COL8A1: variants seen among roughly 807,000 people sequenced by gnomAD.
COL8A1 encodes the protein collagen type VIII alpha 1 chain.
Under a neutral mutation model 42.7 loss-of-function variants are expected in COL8A1, and 21 were observed. The observed-to-expected ratio is 0.49, with a 90% CI of 0.35 to 0.71. The LOEUF is 0.71. Ranked by LOEUF, COL8A1 falls within the 30% of genes least tolerant of loss-of-function variation. The probability of loss-of-function intolerance (pLI) is 0.01; values close to 1 mark genes in which losing one functional copy is unlikely to be tolerated. For missense variants in COL8A1, 788 were observed against 962.4 expected (o/e 0.82, Z 2.40); for synonymous variants, 367 against 369.1 (o/e 0.99, Z 0.06).
At chr3:99,759,106 C>CTTTT (rs372727265) in intron 2 of COL8A1, among the ~76,000 whole-genome samples, 62,766 of 138,940 alleles carry the variant, frequency 0.45, 14,278 homozygotes, top group East Asian at 0.65. Flanking sequence ...GAGCCTGTTC[C>CTTTT]TTTTTTTTTT....
At chr3:99,642,714 T>C (rs902265046) in intron 1 of COL8A1, among the ~76,000 whole-genome samples, 10 of 152,210 alleles carry the variant, frequency 6.6e-5, no homozygotes, top group Non-Finnish European at 1.3e-4. Context: ...AAAAATCTCT[T>C]TTTAATTCTC....
intron 1 of COL8A1, among the ~76,000 whole-genome samples, chr3:99,645,482 C>T (rs1209714031): frequency 1.3e-5 from 2 of 152,082 alleles, no homozygotes; most frequent in Non-Finnish European, 2.9e-5. Context: ...TTTCCAGCCC[C>T]CAGTTAATTA....
intron 1 of COL8A1, among the ~76,000 whole-genome samples, chr3:99,687,210 T>C (rs1939088850): frequency 6.6e-6 from 1 of 152,148 alleles, no homozygotes; most frequent in South Asian, 2.1e-4. Flanking sequence ...CAACCAATGG[T>C]TTCCAGGTCA....
Position 99,796,237 on chromosome 3 carries a change from C to T in COL8A1, c.*101C>T, listed in dbSNP as rs17778804. On this transcript the variant is annotated 3_prime_UTR_variant, in exon 4 of 4. Coordinates refer to ENST00000652472, the MANE Select transcript of COL8A1 (RefSeq NM_020351.4). The stretch of plus-strand genomic sequence containing the variant: ...AAACATAATTGCTTCAAAACACTTA[C>T]ACAGTTGGAAAGTTATATGTAAGTG... 7.6e-3 allele frequency: 7,695 copies of T among 1,010,574 alleles called. 63 individuals are homozygous for T. Among genetic ancestry groups the T allele is most frequent in the African/African-American group, 0.026 (1,611 of 61,944 alleles). 62.6% of individuals were successfully genotyped at this position (1,010,574 alleles called of 1,614,324 possible).
In COL8A1 at chr3:99,789,021, C is replaced by T. The variant is rs550377758; in HGVS notation, c.-3-1659C>T. Among the ~76,000 whole-genome samples, 3 of 152,018 alleles carry T rather than the reference C, an allele frequency of 2.0e-5. No homozygotes were observed. In the South Asian group the frequency reaches 6.2e-4, roughly 32 times the overall value. ...CCATATTATATTCATCTTAGTAATC[C>T]AAAATGGGCCTAGCAACTGTTTCTT... On this transcript the variant is annotated intron_variant, in intron 2 of 3. Coordinates refer to ENST00000652472, the MANE Select transcript of COL8A1 (RefSeq NM_020351.4).
chr3:99,773,841 T>TATATATATATATATATATATATA (rs1381763910), intron 2 of COL8A1, among the ~76,000 whole-genome samples: 14 of 85,632 alleles, frequency 1.6e-4, no homozygotes, highest in South Asian at 4.3e-4. Context: ...ATATATATTT[T>TATATATATATATATATATATATA]TTTTTTTTTT....
chr3:99,680,293 G>C (rs1938831711), intron 1 of COL8A1: 1 of 152,270 alleles, frequency 6.6e-6, no homozygotes, highest in Non-Finnish European at 1.5e-5. Flanking sequence ...ATGGTTTCCA[G>C]CTTCATCTAT....
chr3:99,707,462 G>A lies in COL8A1; in HGVS notation c.-128-37435G>A, dbSNP rs535480994. ...TCAAACCCTCAGTTAGCTAACTATTGTCCTCCTTGCTTCTGCCTGTAACTA... is the reference window on the plus strand; with the variant it reads ...TCAAACCCTCAGTTAGCTAACTATTATCCTCCTTGCTTCTGCCTGTAACTA... On this transcript the variant is annotated intron_variant, in intron 1 of 3. Transcript: ENST00000652472. Among the ~76,000 whole-genome samples the A allele has an allele frequency of 4.6e-5, 7 of 152,290 alleles. No homozygotes were observed. The South Asian group carries it at 1.5e-3, about 32-fold the overall frequency.
chr3:99,716,066 CA>C (rs943307605), intron 1 of COL8A1, among the ~76,000 whole-genome samples: 5 of 151,966 alleles, frequency 3.3e-5, no homozygotes, highest in African/African-American at 1.2e-4. Context: ...TTGCAATCAG[CA>C]AACTGATTGC....
chr3:99,677,790 G>A (rs1559775992), intron 1 of COL8A1: 2 of 152,126 alleles, frequency 1.3e-5, no homozygotes, highest in South Asian at 2.1e-4. Flanking sequence ...AGCTTCAGCT[G>A]TCTATGGGAA....
intron 2 of COL8A1, among the ~76,000 whole-genome samples, chr3:99,765,052 T>C (rs541201309): frequency 1.3e-5 from 2 of 152,244 alleles, no homozygotes; most frequent in African/African-American, 4.8e-5. Flanking sequence ...TTAATAATAA[T>C]AGTTAACAGA....
At chr3:99,654,604 A>G (rs1937953192) in intron 1 of COL8A1, among the ~76,000 whole-genome samples, 1 of 152,122 alleles carries the variant, frequency 6.6e-6, no homozygotes, top group African/African-American at 2.4e-5. Context: ...CCCGGGCAAC[A>G]TGGCGAAACT....
At chr3:99,754,283 T>C (rs1281437154) in intron 2 of COL8A1, among the ~76,000 whole-genome samples, 1 of 152,122 alleles carries the variant, frequency 6.6e-6, no homozygotes, top group African/African-American at 2.4e-5. Context: ...GTAGAAAAAA[T>C]AAAACCATAG....
At chr3:99,705,277 T>C (rs574933513) in intron 1 of COL8A1, among the ~76,000 whole-genome samples, 1 of 152,346 alleles carries the variant, frequency 6.6e-6, no homozygotes, top group East Asian at 1.9e-4. Flanking sequence ...ATGGAGCCTC[T>C]GTTATGAATT....
At chr3:99,763,987 G>A (rs1254597901) in intron 2 of COL8A1, among the ~76,000 whole-genome samples, 1 of 152,148 alleles carries the variant, frequency 6.6e-6, no homozygotes, top group East Asian at 1.9e-4. Context: ...CCATGCATTT[G>A]ACTCCAGTAG....
At chr3:99,792,333 T>C (rs1942016867) in intron 3 of COL8A1, among the ~76,000 whole-genome samples, 1 of 152,218 alleles carries the variant, frequency 6.6e-6, no homozygotes, top group Non-Finnish European at 1.5e-5. Flanking sequence ...TTTTATTCTC[T>C]GACAGTAGCT....
intron 1 of COL8A1, among the ~76,000 whole-genome samples, chr3:99,663,184 G>A (rs1405075133): frequency 1.3e-5 from 2 of 152,030 alleles, no homozygotes; most frequent in Non-Finnish European, 2.9e-5. Context: ...TTTTTGAGAG[G>A]TGAGGTCTCA....
rs1227268612 is a variant in COL8A1 at position 99,790,669 on chromosome 3, T to C, written c.-3-11T>C. ...AGTTTCACCAAGTTGGTGCATTGGT[T>C]CCTCCCACAGGTGATGGCTGTGCTG... On this transcript the variant is annotated splice_polypyrimidine_tract_variant and intron_variant, in intron 2 of 3. Coordinates refer to ENST00000652472, the MANE Select transcript of COL8A1 (RefSeq NM_020351.4). 6.2e-7 allele frequency: 1 copy of C among 1,608,776 alleles called. No individual in the cohort carries two copies. Among genetic ancestry groups the C allele is most frequent in the Non-Finnish European group, 8.5e-7 (1 of 1,176,184 alleles).
chr3:99,750,839 G>A (rs1941132434), intron 2 of COL8A1, among the ~76,000 whole-genome samples: 1 of 152,166 alleles, frequency 6.6e-6, no homozygotes, highest in East Asian at 1.9e-4. Context: ...AGTTGTTATT[G>A]TGGCAATCAG....
Sources: allele counts gnomAD v4.1 joint callset (sites outside exome capture counted in the v4.1 genomes callset), GRCh38; gene constraint gnomAD v4.1.1; transcripts MANE v1.5; gene names NCBI Gene and HGNC (gene_info 2026-07-23, HGNC 2026-07-21).